The following TM4SF5 variants were observed in gnomAD, a reference collection of about 807,000 sequenced individuals.
The protein encoded by TM4SF5 is transmembrane 4 L six family member 5.
A neutral mutation model predicts 22.3 loss-of-function variants in TM4SF5; 16 were observed. The ratio of observed to expected loss-of-function variants is 0.72; its 90% CI spans 0.49 to 1.09. The LOEUF (loss-of-function observed/expected upper bound fraction) is 1.09, where lower values mean the gene tolerates loss of function less well. Among genes scored for constraint, TM4SF5 ranks in the 50% least tolerant of loss-of-function variants. The pLI is 0.00. For synonymous variants in TM4SF5, 113 were observed against 109.6 expected (o/e 1.03, Z -0.19); for missense variants, 249 against 266.1 (o/e 0.94, Z 0.45).
intron 1 of TM4SF5, among the ~76,000 whole-genome samples, chr17:4,778,757 C>T (rs927764064): frequency 3.3e-5 from 5 of 151,996 alleles, no homozygotes; most frequent in African/African-American, 7.2e-5. Flanking sequence ...AAGAGTTAGG[C>T]GTTCAAGTTA....
intron 1 of TM4SF5, among the ~76,000 whole-genome samples, chr17:4,774,548 A>G (rs1234176067): frequency 1.3e-5 from 2 of 152,282 alleles, no homozygotes; most frequent in African/African-American, 4.8e-5. Context: ...CCTTGTCTCA[A>G]GAAAATAAAA....
intron 1 of TM4SF5, among the ~76,000 whole-genome samples, chr17:4,775,383 C>T (rs1039805704): frequency 4.0e-5 from 6 of 151,288 alleles, no homozygotes; most frequent in African/African-American, 7.3e-5. Context: ...CTCAGCCTCC[C>T]GAGTAGCTGG....
intron 2 of TM4SF5, among the ~76,000 whole-genome samples, chr17:4,781,918 C>T (rs1001296490): frequency 1.3e-5 from 2 of 151,772 alleles, no homozygotes; most frequent in Admixed American, 6.6e-5. Flanking sequence ...TAGTTCCCCC[C>T]TCTCCCCTTC....
intron 1 of TM4SF5, among the ~76,000 whole-genome samples, chr17:4,777,753 G>A (rs1252889061): frequency 1.3e-5 from 2 of 151,990 alleles, no homozygotes; most frequent in East Asian, 3.9e-4. Context: ...GCGTGGTGGC[G>A]CATGCATGTA....
chr17:4,775,292 T>C (rs1384258885), intron 1 of TM4SF5, among the ~76,000 whole-genome samples: 1 of 150,960 alleles, frequency 6.6e-6, no homozygotes, highest in East Asian at 2.0e-4. Context: ...GGAATCTCAC[T>C]GTGTCGCCCG....
At chr17:4,773,734 T>A (rs1391096890) in intron 1 of TM4SF5, among the ~76,000 whole-genome samples, 1 of 152,084 alleles carries the variant, frequency 6.6e-6, no homozygotes, top group African/African-American at 2.4e-5. Context: ...AGAGTCACAC[T>A]CCTCTCAGGC....
chr17:4,778,676 G>A (rs1200122823), intron 1 of TM4SF5, among the ~76,000 whole-genome samples: 1 of 152,058 alleles, frequency 6.6e-6, no homozygotes, highest in Non-Finnish European at 1.5e-5. Flanking sequence ...ATAGGAGACA[G>A]GCAAAGAACC....
At chr17:4,779,983 G>A (rs1917269949) in intron 1 of TM4SF5, among the ~76,000 whole-genome samples, 2 of 151,220 alleles carry the variant, frequency 1.3e-5, no homozygotes, top group South Asian at 4.2e-4. Context: ...CAATTCACCA[G>A]ACACTCCAAC....
chr17:4,780,996 T>G, intron 2 of TM4SF5, 127 bp downstream of exon 2: 1 of 749,894 alleles, frequency 1.3e-6, no homozygotes, highest in Non-Finnish European at 2.2e-6. Flanking sequence ...CCAGGAAACA[T>G]GGCAAGATCC....
chr17:4,782,722 G>A, intron 3 of TM4SF5, 83 bp downstream of exon 3: 1 of 1,587,836 alleles, frequency 6.3e-7, no homozygotes, highest in Non-Finnish European at 8.6e-7. Flanking sequence ...CACCTGGGCG[G>A]GACTCGACTT....
At chr17:4,778,518 G>C (rs1287518032) in intron 1 of TM4SF5, among the ~76,000 whole-genome samples, 1 of 152,034 alleles carries the variant, frequency 6.6e-6, no homozygotes, top group Non-Finnish European at 1.5e-5. Context: ...GAGGTGAGAA[G>C]ATCATTTGAG....
intron 1 of TM4SF5, among the ~76,000 whole-genome samples, chr17:4,772,335 C>A (rs1020797018): frequency 6.6e-6 from 1 of 152,160 alleles, no homozygotes; most frequent in Non-Finnish European, 1.5e-5. Context: ...GCTCCCCTAC[C>A]GGGTAGGGAG....
At chr17:4,772,709 T>TTGTTTTC (rs1917136012) in intron 1 of TM4SF5, among the ~76,000 whole-genome samples, 2 of 143,140 alleles carry the variant, frequency 1.4e-5, no homozygotes, top group Non-Finnish European at 3.0e-5. Flanking sequence ...GTTTTTGTGT[T>TTGTTTTC]TGTTTTTTGT....
At chr17:4,777,562 G>A (rs1290113629) in intron 1 of TM4SF5, among the ~76,000 whole-genome samples, 1 of 151,360 alleles carries the variant, frequency 6.6e-6, no homozygotes, top group Non-Finnish European at 1.5e-5. Context: ...GCAACATAGT[G>A]AGACTCTATC....
Position 4,774,401 on chromosome 17 carries a change from T to C in TM4SF5, c.177+2302T>C, listed in dbSNP as rs371744013. Among the ~76,000 whole-genome samples the C allele has an allele frequency of 1.4e-4, 22 of 152,192 alleles. No individual in the cohort carries two copies. The East Asian group carries it at 1.5e-3, about 11-fold the overall frequency. On this transcript the variant is annotated intron_variant, in intron 1 of 4. Coordinates refer to ENST00000270560, the MANE Select transcript of TM4SF5 (RefSeq NM_003963.3). Reference sequence around the variant, plus strand: ...TGTACCCAGTGCTAGACCAGCACCTTGCACTAAACAGACACCCAATTAATA... The same window carrying C: ...TGTACCCAGTGCTAGACCAGCACCTCGCACTAAACAGACACCCAATTAATA...
At chr17:4,772,423 G>C (rs536655384) in intron 1 of TM4SF5, among the ~76,000 whole-genome samples, 34 of 152,336 alleles carry the variant, frequency 2.2e-4, no homozygotes, top group African/African-American at 8.2e-4. Context: ...GAGGCAGAAG[G>C]AGCAGCTGGT....
intron 2 of TM4SF5, among the ~76,000 whole-genome samples, chr17:4,781,203 A>G (rs948357965): frequency 4.1e-5 from 6 of 147,496 alleles, no homozygotes; most frequent in Admixed American, 6.7e-5. Context: ...GGTGGCGGGC[A>G]CCTGTAATCC....
In TM4SF5 at chr17:4,783,009, T is replaced by C. The variant is rs1340137102; in HGVS notation, c.551T>C (p.Val184Ala). ...CAGCTGGTGAACGCGACCATTGGTG[T>C]CTTCTGCGGCGATTGCAGGAAAAAA... ...GIQLVNATIG[V>A]FCGDCRKKQD... Residue 184 changes from valine (V) to alanine (A), a missense_variant, in exon 4 of 5, where the codon GTC (valine) becomes GCC (alanine). Coordinates refer to ENST00000270560, the MANE Select transcript of TM4SF5 (RefSeq NM_003963.3). 6.2e-7 allele frequency: 1 copy of C among 1,614,022 alleles called. No individual in the cohort carries two copies. Among genetic ancestry groups the C allele is most frequent in the African/African-American group, 1.3e-5 (1 of 74,918 alleles).
rs768839512 is a variant in TM4SF5, at chr17:4,782,914, C to G, written c.456C>G (p.Val152=). The G allele has an allele frequency of 5.0e-6, 8 of 1,614,094 alleles. No homozygotes were observed. The highest frequency in any genetic ancestry group is 6.8e-6 in the Non-Finnish European group (8 of 1,180,042). The change falls in exon 4 of 5, where the codon GTC becomes GTG. Residue 152 remains valine, a synonymous_variant. Coordinates refer to ENST00000270560, the MANE Select transcript of TM4SF5 (RefSeq NM_003963.3). ...GGTGCGAGGCGCCCCCTCGCGTGGTCCCCTGGAATGTGACGCTCTTCTCGC... is the reference window on the plus strand; with the variant it reads ...GGTGCGAGGCGCCCCCTCGCGTGGTGCCCTGGAATGTGACGCTCTTCTCGC... ...WDRCEAPPRV[V]PWNVTLFSLL...
Sources: gnomAD v4.1 joint callset for allele counts (sites outside exome capture counted in the v4.1 genomes callset) on GRCh38, gnomAD v4.1.1 for gene constraint, MANE v1.5 for transcripts, NCBI Gene and HGNC (gene_info 2026-07-23, HGNC 2026-07-21) for gene names.